The following SLC2A9 variants were observed in gnomAD, a reference collection of about 807,000 sequenced individuals.
The protein encoded by SLC2A9 is solute carrier family 2, facilitated glucose transporter member 9.
In SLC2A9, 39 loss-of-function variants were observed where a neutral mutation model predicts 50.6. The ratio of observed to expected loss-of-function variants is 0.77; its 90% CI spans 0.60 to 1.01. The LOEUF (loss-of-function observed/expected upper bound fraction) is 1.01, where lower values mean the gene tolerates loss of function less well. Among genes scored for constraint, SLC2A9 ranks in the 50% least tolerant of loss-of-function variants. SLC2A9 has a pLI of 0.00. For synonymous variants in SLC2A9, 324 were observed against 276.9 expected (o/e 1.17, Z -1.69); for missense variants, 686 against 677.6 (o/e 1.01, Z -0.14).
chr4:9,877,679 G>A (rs1242313317), intron 10 of SLC2A9, among the ~76,000 whole-genome samples: 3 of 152,158 alleles, frequency 2.0e-5, no homozygotes, highest in Admixed American at 6.5e-5. Flanking sequence ...TCACTTGCAG[G>A]GCAGGGCCAG....
chr4:9,786,817 A>G (rs2108869499), intron 3 of SLC2A9, among the ~76,000 whole-genome samples: 1 of 152,294 alleles, frequency 6.6e-6, no homozygotes, highest in Non-Finnish European at 1.5e-5. Flanking sequence ...ATATTTGGCA[A>G]TGTCTGGAGA....
At chr4:9,809,203 C>A (rs569862564) in intron 3 of SLC2A9, among the ~76,000 whole-genome samples, 95 of 152,170 alleles carry the variant, frequency 6.2e-4, no homozygotes, top group African/African-American at 2.2e-3. Context: ...TACAAATGGA[C>A]AAAAGTGGAC....
Position 9,807,036 on chromosome 4 carries a change from G to A in SLC2A9, n.421-7795C>T, listed in dbSNP as rs75363649. On this transcript the variant is annotated intron_variant and non_coding_transcript_variant, in intron 3 of 3. Coordinates refer to the SLC2A9 transcript ENST00000503280. Reference sequence around the variant, plus strand: ...GGTTGTTCAGGTGTTCACATGGTTTGGGGTCTGGGTACAGAAAATGGACCC... The same window carrying A: ...GGTTGTTCAGGTGTTCACATGGTTTAGGGTCTGGGTACAGAAAATGGACCC... Among the ~76,000 whole-genome samples, 998 of 152,216 alleles carry A rather than the reference G, an allele frequency of 6.6e-3. 8 individuals carry two copies. Among genetic ancestry groups the A allele is most frequent in the African/African-American group, 0.023 (939 of 41,536 alleles).
At chr4:10,021,011 G>T (rs749175987) in intron 1 of SLC2A9, among the ~76,000 whole-genome samples, 2 of 152,222 alleles carry the variant, frequency 1.3e-5, no homozygotes, top group Non-Finnish European at 2.9e-5. Context: ...GCAAGTGCGG[G>T]GCAGGGCAGC....
downstream of SLC2A9, among the ~76,000 whole-genome samples, chr4:9,775,306 G>T (rs994099424): frequency 1.3e-5 from 2 of 152,144 alleles, no homozygotes; most frequent in Non-Finnish European, 2.9e-5. Context: ...AGACCAAAGT[G>T]GCAGCTGCGA....
At chr4:9,831,491 T>C (rs1726134212) in intron 11 of SLC2A9, among the ~76,000 whole-genome samples, 1 of 152,168 alleles carries the variant, frequency 6.6e-6, no homozygotes, top group African/African-American at 2.4e-5. Flanking sequence ...CTCTACTTGT[T>C]ATCACAGCCA....
intron 3 of SLC2A9, among the ~76,000 whole-genome samples, chr4:9,802,324 T>C (rs1721536048): frequency 6.6e-6 from 1 of 151,290 alleles, no homozygotes; most frequent in South Asian, 2.1e-4. Flanking sequence ...TTCAAAGAAG[T>C]AGTGACCTGT....
At position 9,950,817 on chromosome 4, in the gene SLC2A9, C is replaced by T. The variant is rs1401847244; in HGVS notation, c.682-8772G>A. Reference sequence around the variant, plus strand: ...CTGAGGCAGGAGAATGGCGTGAACCCGGGAGGCGGAGCTTGCAGTGAGCCG... The same window carrying T: ...CTGAGGCAGGAGAATGGCGTGAACCTGGGAGGCGGAGCTTGCAGTGAGCCG... On this transcript the variant is annotated intron_variant, in intron 5 of 11. Coordinates refer to ENST00000264784, the MANE Select transcript of SLC2A9 (RefSeq NM_020041.3). Among the ~76,000 whole-genome samples, 8 of 49,150 alleles carry T rather than the reference C, an allele frequency of 1.6e-4. 1 individual carries two copies. Among genetic ancestry groups the T allele is most frequent in the Admixed American group, 5.2e-4 (2 of 3,832 alleles). 32.2% of individuals were successfully genotyped at this position (49,150 alleles called of 152,430 possible).
At chr4:9,983,580 G>C (rs1285398456) in intron 4 of SLC2A9, among the ~76,000 whole-genome samples, 2 of 152,146 alleles carry the variant, frequency 1.3e-5, no homozygotes, top group Non-Finnish European at 2.9e-5. Flanking sequence ...ACCATCCCAG[G>C]TCATCCAGCC....
chr4:9,774,718 TCTC>T (rs1319662796), intron 1 of SLC2A9, among the ~76,000 whole-genome samples: 1 of 151,908 alleles, frequency 6.6e-6, no homozygotes, highest in African/African-American at 2.4e-5. Flanking sequence ...CTCCTCTTCC[TCTC>T]CTCCTTCTCA....
chr4:9,809,606 T>C (rs1250822017), intron 3 of SLC2A9, among the ~76,000 whole-genome samples: 1 of 152,140 alleles, frequency 6.6e-6, no homozygotes, highest in African/African-American at 2.4e-5. Flanking sequence ...GGACCCACCA[T>C]GACATACCTT....
chr4:9,920,100 CA>C (rs1743619431), intron 7 of SLC2A9, among the ~76,000 whole-genome samples: 1 of 152,198 alleles, frequency 6.6e-6, no homozygotes, highest in Non-Finnish European at 1.5e-5. Context: ...AACTTTTAGA[CA>C]TGTCTAGGAA....
At chr4:9,844,620 T>C (rs13142238) in intron 10 of SLC2A9, among the ~76,000 whole-genome samples, 70,577 of 152,192 alleles carry the variant, frequency 0.46, 19,387 homozygotes, top group Non-Finnish European at 0.63. Flanking sequence ...TCCAGATCTC[T>C]GTTCTCTGTG....
chr4:9,831,507 C>A (rs995545429), intron 11 of SLC2A9, among the ~76,000 whole-genome samples: 4 of 152,054 alleles, frequency 2.6e-5, no homozygotes, highest in African/African-American at 9.7e-5. Context: ...AGCCATGTAG[C>A]CATAACATGG....
At chr4:9,849,999 G>A (rs923235438) in intron 10 of SLC2A9, among the ~76,000 whole-genome samples, 7 of 152,028 alleles carry the variant, frequency 4.6e-5, no homozygotes, top group Non-Finnish European at 8.8e-5. Flanking sequence ...CTCCCACCGA[G>A]AGACCGGGAC....
intron 10 of SLC2A9, among the ~76,000 whole-genome samples, chr4:9,882,590 T>G (rs1735417766): frequency 6.6e-6 from 1 of 151,740 alleles, no homozygotes; most frequent in South Asian, 2.1e-4. Flanking sequence ...ACGCCTGCAG[T>G]CCCAGCTTCT....
intron 3 of SLC2A9, among the ~76,000 whole-genome samples, chr4:9,820,321 T>C (rs1340641011): frequency 6.6e-6 from 1 of 152,228 alleles, no homozygotes; most frequent in Non-Finnish European, 1.5e-5. Context: ...GATCTTTGTG[T>C]CTATACTTTC....
intron 5 of SLC2A9, among the ~76,000 whole-genome samples, chr4:9,961,452 G>T (rs1752254539): frequency 6.6e-6 from 1 of 152,182 alleles, no homozygotes. Context: ...AAGCAATGGG[G>T]AAAGGATTCT....
chr4:9,963,029 C>G lies in SLC2A9; in HGVS notation c.681+17563G>C, dbSNP rs147258783. Among the ~76,000 whole-genome samples, 384 of 152,322 alleles carry G rather than the reference C, an allele frequency of 2.5e-3. 6 individuals carry two copies. The East Asian group carries it at 0.054, about 21-fold the overall frequency. ...GAAAGCTTTCCGTGGCCCTCTCTCG[C>G]TGCATTAGGGCCATTAGGAAAGAGG... On this transcript the variant is annotated intron_variant, in intron 5 of 11. Coordinates refer to ENST00000264784, the MANE Select transcript of SLC2A9 (RefSeq NM_020041.3).
Sources: allele counts gnomAD v4.1 joint callset (sites outside exome capture counted in the v4.1 genomes callset), GRCh38; gene constraint gnomAD v4.1.1; transcripts MANE v1.5; gene names NCBI Gene and HGNC (gene_info 2026-07-23, HGNC 2026-07-21).